SLIT3: variants seen among roughly 807,000 people sequenced by gnomAD.
SLIT3 encodes the protein slit guidance ligand 3.
In SLIT3, 68 loss-of-function variants were observed where a neutral mutation model predicts 184.0. That is an observed-to-expected ratio of 0.37 (90% CI 0.30 to 0.45). The LOEUF is 0.45. Ranked by LOEUF, SLIT3 falls within the 20% of genes least tolerant of loss-of-function variation. The probability of loss-of-function intolerance (pLI) is 1.00; values close to 1 mark genes in which losing one functional copy is unlikely to be tolerated. For synonymous variants in SLIT3, 831 were observed against 828.6 expected, an observed-to-expected ratio of 1.00 and a Z score of -0.05; for missense variants, 1,707 against 2,026.0, an observed-to-expected ratio of 0.84 and a Z score of 3.02.
In SLIT3 at chr5:168,983,367, G is replaced by A. The variant is rs10037761; in HGVS notation, c.414-100031C>T. On this transcript the variant is annotated intron_variant, in intron 4 of 35. Coordinates refer to ENST00000519560, the MANE Select transcript of SLIT3 (RefSeq NM_003062.4). The stretch of plus-strand genomic sequence containing the variant: ...ATCTTTTCACATAAATCAGTAGCAA[G>A]TTAGTGCTACAGTTTTCTTCACCTA... Among the ~76,000 whole-genome samples, 1,127 of 152,350 alleles carry A rather than the reference G, an allele frequency of 7.4e-3. 14 individuals are homozygous for A. Among genetic ancestry groups the A allele is most frequent in the African/African-American group, 0.026 (1,078 of 41,574 alleles).
In SLIT3 at chr5:168,699,272, T is replaced by G. The variant is rs377250452; in HGVS notation, c.2942+1310A>C. 2.8e-4 allele frequency among the ~76,000 whole-genome samples: 42 copies of G among 152,336 alleles called. No homozygotes were observed. In the South Asian group the frequency reaches 8.3e-3, roughly 30 times the overall value. ...TCCCGGGGGAAGAGAACCGGGAGCC[T>G]GGAATTTGATTTCTTCCCCAGACCA... On this transcript the variant is annotated intron_variant, in intron 27 of 35. Coordinates refer to ENST00000519560, the MANE Select transcript of SLIT3 (RefSeq NM_003062.4).
intron 3 of SLIT3, among the ~76,000 whole-genome samples, chr5:169,242,906 T>C (rs192796444): frequency 1.2e-3 from 187 of 152,052 alleles, no homozygotes; most frequent in Middle Eastern, 3.4e-3. Flanking sequence ...GTTAAATGTT[T>C]ATGCGAGAGG....
chr5:169,111,114 G>A (rs536256456), intron 4 of SLIT3, among the ~76,000 whole-genome samples: 3 of 152,090 alleles, frequency 2.0e-5, no homozygotes, highest in East Asian at 1.9e-4. Flanking sequence ...TTTTCACCTC[G>A]TCTCTACCTG....
At position 169,300,748 on chromosome 5, in the gene SLIT3, C is replaced by G; in HGVS notation, c.-39G>C. 7.8e-7 allele frequency: 1 copy of G among 1,278,612 alleles called. No individual in the cohort carries two copies. The highest frequency in any genetic ancestry group is 9.9e-7 in the Non-Finnish European group (1 of 1,014,970). 79.2% of individuals were successfully genotyped at this position (1,278,612 alleles called of 1,614,324 possible). A position where few individuals can be genotyped will look rare whatever the true frequency, so the allele number is the denominator to read the frequency against. On this transcript the variant is annotated 5_prime_UTR_variant, in exon 1 of 36. Transcript: ENST00000519560. The surrounding 1 kb of genome is among the most constrained non-coding windows in gnomAD (Gnocchi z 4.1). ...CCGCTCCTGGAGGAGGCTGCCTCTG[C>G]GGGGCAAGACGCGTGGAGCCCGAGG... is the stretch of plus-strand genomic sequence containing the variant.
chr5:169,273,265 C>G (rs563484069), intron 1 of SLIT3, among the ~76,000 whole-genome samples: 1 of 152,322 alleles, frequency 6.6e-6, no homozygotes, highest in South Asian at 2.1e-4. Context: ...CCTTGATGCT[C>G]TCAAGTACCT....
intron 4 of SLIT3, among the ~76,000 whole-genome samples, chr5:169,001,472 G>A (rs1042861693): frequency 3.3e-5 from 5 of 152,086 alleles, no homozygotes; most frequent in Admixed American, 1.3e-4. Flanking sequence ...ACATAGGCGG[G>A]TCACGTCTTT....
At chr5:169,048,886 T>G (rs1012166732) in intron 4 of SLIT3, among the ~76,000 whole-genome samples, 2 of 152,150 alleles carry the variant, frequency 1.3e-5, no homozygotes, top group Non-Finnish European at 2.9e-5. Flanking sequence ...GATACTCTTC[T>G]TGAAATATGG....
intron 5 of SLIT3, among the ~76,000 whole-genome samples, chr5:168,849,100 A>T (rs193234838): frequency 6.6e-5 from 10 of 152,268 alleles, no homozygotes; most frequent in Non-Finnish European, 1.3e-4. Flanking sequence ...TGATGCATTT[A>T]AGTCCCCATG....
At chr5:168,895,976 C>T (rs916120668) in intron 4 of SLIT3, among the ~76,000 whole-genome samples, 3 of 152,190 alleles carry the variant, frequency 2.0e-5, no homozygotes, top group African/African-American at 4.8e-5. Context: ...CCACTAGTCT[C>T]GTGCCAAATA....
rs1407312037 is a variant in SLIT3 at position 169,193,619 on chromosome 5, C to T, written c.342-69G>A. On this transcript the variant is annotated intron_variant, in intron 3 of 35. Transcript: ENST00000519560. ...CCAGATCAAACGTATTCAGATACCA[C>T]TTTAATCAATCAGTCAATCAATCAA... 2.6e-6 allele frequency: 3 copies of T among 1,152,954 alleles called. No individual in the cohort carries two copies. In the African/African-American group the frequency reaches 4.5e-5, roughly 17 times the overall value. 71.4% of individuals were successfully genotyped at this position (1,152,954 alleles called of 1,614,324 possible). A position where few individuals can be genotyped will look rare whatever the true frequency, so the allele number is the denominator to read the frequency against.
intron 31 of SLIT3, 109 bp from the exon 32 acceptor site, chr5:168,684,205 G>A (rs780199725): frequency 9.9e-5 from 116 of 1,174,236 alleles, no homozygotes; most frequent in South Asian, 2.7e-4. Flanking sequence ...TCTGTGCTGC[G>A]TCTAAATTCA....
intron 16 of SLIT3, among the ~76,000 whole-genome samples, chr5:168,755,585 C>A (rs930873203): frequency 8.6e-5 from 13 of 151,792 alleles, no homozygotes; most frequent in African/African-American, 2.9e-4. Context: ...CAGGTGCCTG[C>A]CACCATGCCC....
In SLIT3 at chr5:169,029,009, C is replaced by T. The variant is rs370308945; in HGVS notation, c.414-145673G>A. On this transcript the variant is annotated intron_variant, in intron 4 of 35. Coordinates refer to ENST00000519560, the MANE Select transcript of SLIT3 (RefSeq NM_003062.4). Reference sequence around the variant, plus strand: ...TGATGGCTGTGGAGCTGTGAAAACACCACTTGACATGTATAATCAACAGAA... The same window carrying T: ...TGATGGCTGTGGAGCTGTGAAAACATCACTTGACATGTATAATCAACAGAA... Among the ~76,000 whole-genome samples the T allele has an allele frequency of 1.4e-4, 21 of 152,244 alleles. No individual in the cohort carries two copies. The East Asian group carries it at 3.9e-3, about 28-fold the overall frequency.
Position 168,708,113 on chromosome 5 carries a change from A to G in SLIT3, c.2720-13T>C. 6.2e-7 allele frequency: 1 copy of G among 1,614,146 alleles called. No individual in the cohort carries two copies. On this transcript the variant is annotated splice_polypyrimidine_tract_variant and intron_variant, in intron 25 of 35. Transcript: ENST00000519560. Reference sequence around the variant, plus strand: ...ATGTCCACTGGCCCTGGGCAGCAAAACCAGAGTACTGATGGCAGGTCCTGA... The same window carrying G: ...ATGTCCACTGGCCCTGGGCAGCAAAGCCAGAGTACTGATGGCAGGTCCTGA...
intron 12 of SLIT3, among the ~76,000 whole-genome samples, chr5:168,782,981 T>C: frequency 6.6e-6 from 1 of 152,156 alleles, no homozygotes; most frequent in East Asian, 1.9e-4. Flanking sequence ...CTAGAAACCA[T>C]TACGATGTTT....
At chr5:169,287,446 T>C (rs1030688915) in intron 1 of SLIT3, among the ~76,000 whole-genome samples, 6 of 152,310 alleles carry the variant, frequency 3.9e-5, no homozygotes, top group African/African-American at 4.8e-5. Context: ...AGGCTTCCCA[T>C]GGCTCTGCAT....
chr5:169,240,552 C>T (rs75717088), intron 3 of SLIT3, among the ~76,000 whole-genome samples: 11,523 of 139,102 alleles, frequency 0.083, 563 homozygotes, highest in South Asian at 0.13. Flanking sequence ...ACTAACCTTT[C>T]GGTTAGTGTT....
At chr5:168,898,378 C>G (rs1376374570) in intron 4 of SLIT3, among the ~76,000 whole-genome samples, 1 of 141,858 alleles carries the variant, frequency 7.0e-6, no homozygotes, top group Non-Finnish European at 1.5e-5. Flanking sequence ...GAATCTATAG[C>G]ATTTTTATGG....
intron 4 of SLIT3, among the ~76,000 whole-genome samples, chr5:169,127,166 T>C (rs1260445526): frequency 6.6e-6 from 1 of 152,200 alleles, no homozygotes; most frequent in Non-Finnish European, 1.5e-5. Context: ...AAAGAAAATG[T>C]TTTATATGAG....
Sources: gnomAD v4.1 joint callset for allele counts (sites outside exome capture counted in the v4.1 genomes callset) on GRCh38, gnomAD v4.1.1 for gene constraint, Gnocchi (gnomAD v3.1) non-coding constraint, MANE v1.5 for transcripts, NCBI Gene and HGNC (gene_info 2026-07-23, HGNC 2026-07-21) for gene names.